TNR: variants seen among roughly 807,000 people sequenced by gnomAD.
TNR encodes tenascin R, also known as tenascin-R.
In TNR, 45 loss-of-function variants were observed where a neutral mutation model predicts 150.4. That is an observed-to-expected ratio of 0.30 (90% CI 0.24 to 0.38). The LOEUF is 0.38. Among genes scored for constraint, TNR ranks in the 10% least tolerant of loss-of-function variants. The pLI is 1.00. For missense variants in TNR, 1,544 were observed against 1,759.1 expected (o/e 0.88, Z 2.19); for synonymous variants, 687 against 678.4 (o/e 1.01, Z -0.20).
At chr1:175,584,121 G>C (rs1163349039) in intron 1 of TNR, among the ~76,000 whole-genome samples, 1 of 152,188 alleles carries the variant, frequency 6.6e-6, no homozygotes, top group African/African-American at 2.4e-5. Context: ...AATCCCCAAT[G>C]CCTCAGAATG....
At chr1:175,633,175 C>T (rs1487844431) in intron 1 of TNR, among the ~76,000 whole-genome samples, 8 of 152,214 alleles carry the variant, frequency 5.3e-5, no homozygotes, top group Admixed American at 2.0e-4. Context: ...TACATCCATC[C>T]TCTTCAATCC....
At chr1:175,683,807 A>G (rs1369866000) in intron 1 of TNR, among the ~76,000 whole-genome samples, 1 of 152,224 alleles carries the variant, frequency 6.6e-6, no homozygotes, top group Non-Finnish European at 1.5e-5. Context: ...TTAGTGAGAG[A>G]AAATAGATTC....
intron 21 of TNR, among the ~76,000 whole-genome samples, chr1:175,327,451 G>T (rs1285270593): frequency 6.6e-6 from 1 of 152,038 alleles, no homozygotes; most frequent in Non-Finnish European, 1.5e-5. Context: ...TTCTTCGCTC[G>T]GACTTACTTT....
At chr1:175,682,103 G>A (rs1666052994) in intron 1 of TNR, among the ~76,000 whole-genome samples, 1 of 152,212 alleles carries the variant, frequency 6.6e-6, no homozygotes, top group South Asian at 2.1e-4. Context: ...TGAGAAAAAT[G>A]CAGGCATCCA....
intron 8 of TNR, among the ~76,000 whole-genome samples, chr1:175,380,149 A>G (rs956251214): frequency 1.3e-5 from 2 of 152,204 alleles, no homozygotes; most frequent in Admixed American, 1.3e-4. Flanking sequence ...AAGACTGTTG[A>G]TTTCAAGGTT....
intron 2 of TNR, among the ~76,000 whole-genome samples, chr1:175,524,639 G>A (rs1379811558): frequency 6.6e-6 from 1 of 152,148 alleles, no homozygotes; most frequent in Non-Finnish European, 1.5e-5. Context: ...AGTTGGGCAG[G>A]ATGATTGCAC....
In TNR at chr1:175,731,197, G is replaced by A. The variant is rs149968061; in HGVS notation, c.-165+12029C>T. The stretch of plus-strand genomic sequence containing the variant: ...GGAACAGTGGGTCTTCTTGACCTTC[G>A]TGATTTCAATCACCAGCCCAATTAC... On this transcript the variant is annotated intron_variant, in intron 1 of 22. Transcript: ENST00000367674. 4.9e-3 allele frequency among the ~76,000 whole-genome samples: 746 copies of A among 152,234 alleles called. 6 individuals are homozygous for A. The highest frequency in any genetic ancestry group is 0.016 in the African/African-American group (654 of 41,540).
At position 175,379,638 on chromosome 1, in the gene TNR, A is replaced by G. The variant is rs779279153; in HGVS notation, c.1877T>C (p.Val626Ala). Reference sequence around the variant, plus strand: ...CTCACCCGCCAGGGTGCTGTACACAACCTTGTACTCCTGAACTTCGGCTTC... The same window carrying G: ...CTCACCCGCCAGGGTGCTGTACACAGCCTTGTACTCCTGAACTTCGGCTTC... ...NSEAEVQEYK[V>A]VYSTLAGEQY... is the part of the protein sequence containing the mutation. The change falls in exon 9 of 23, where the codon GTT (valine) becomes GCT (alanine). Residue 626 changes from valine (V) to alanine (A), a missense_variant. Val to Ala is a moderately conservative substitution (Grantham distance 64). Around this residue, in one of 2 missense-constraint regions of TNR, gnomAD observed 1,254 missense variants for 1,329.4 expected, o/e 0.94. Coordinates refer to ENST00000367674, the MANE Select transcript of TNR (RefSeq NM_003285.3). 6 of 1,614,002 alleles carry G rather than the reference A, an allele frequency of 3.7e-6. No homozygotes were observed. The highest frequency in any genetic ancestry group is 2.2e-5 in the East Asian group (1 of 44,898).
intron 2 of TNR, among the ~76,000 whole-genome samples, chr1:175,524,693 T>C (rs747038669): frequency 2.0e-5 from 3 of 152,164 alleles, no homozygotes; most frequent in African/African-American, 4.8e-5. Context: ...AAGCTCTTTA[T>C]AGCTCCAGGC....
At chr1:175,447,424 A>G (rs1656104787) in intron 2 of TNR, among the ~76,000 whole-genome samples, 1 of 152,168 alleles carries the variant, frequency 6.6e-6, no homozygotes, top group Admixed American at 6.5e-5. Flanking sequence ...TGGGTCTTAC[A>G]TCATTCATTG....
intron 2 of TNR, among the ~76,000 whole-genome samples, chr1:175,415,144 GCTTT>G (rs1367022781): frequency 7.9e-6 from 1 of 125,944 alleles, no homozygotes; most frequent in Admixed American, 7.5e-5. Context: ...CTTTTTTTGT[GCTTT>G]TTTTTTTTTT....
chr1:175,462,830 C>T, intron 2 of TNR, among the ~76,000 whole-genome samples: 1 of 152,296 alleles, frequency 6.6e-6, no homozygotes, highest in East Asian at 1.9e-4. Context: ...ACAAGGCCAG[C>T]TGGTCAGAGA....
intron 2 of TNR, among the ~76,000 whole-genome samples, chr1:175,485,674 G>T (rs150966111): frequency 1.1e-4 from 16 of 152,222 alleles, no homozygotes; most frequent in East Asian, 1.9e-4. Flanking sequence ...GGATATCACA[G>T]CTCTCCCCCC....
intron 1 of TNR, among the ~76,000 whole-genome samples, chr1:175,652,185 A>C (rs189789989): frequency 6.8e-6 from 1 of 148,108 alleles, no homozygotes; most frequent in Non-Finnish European, 1.5e-5. Flanking sequence ...ATAATGTAAT[A>C]TATTATCATA....
At chr1:175,651,942 A>G (rs897140610) in intron 1 of TNR, among the ~76,000 whole-genome samples, 3 of 151,342 alleles carry the variant, frequency 2.0e-5, no homozygotes, top group African/African-American at 7.3e-5. Context: ...CATGGATGAA[A>G]TAAGAATAAT....
chr1:175,426,790 G>T (rs1654988606), intron 2 of TNR, among the ~76,000 whole-genome samples: 1 of 137,786 alleles, frequency 7.3e-6, no homozygotes, highest in South Asian at 2.3e-4. Context: ...ACAGGTGTGT[G>T]TGTATATATA....
At chr1:175,630,470 A>T (rs901972124) in intron 1 of TNR, among the ~76,000 whole-genome samples, 6 of 152,244 alleles carry the variant, frequency 3.9e-5, no homozygotes, top group Non-Finnish European at 7.3e-5. Flanking sequence ...TGTAGCAGGC[A>T]TGGGGTTAGG....
At chr1:175,500,064 G>A (rs1658666917) in intron 2 of TNR, among the ~76,000 whole-genome samples, 1 of 152,196 alleles carries the variant, frequency 6.6e-6, no homozygotes, top group African/African-American at 2.4e-5. Context: ...TTCCATGGAA[G>A]CCTCAGTCTA....
intron 4 of TNR, among the ~76,000 whole-genome samples, chr1:175,401,888 A>G (rs1233104356): frequency 6.6e-6 from 1 of 152,216 alleles, no homozygotes; most frequent in Non-Finnish European, 1.5e-5. Context: ...TGAGCCCTGA[A>G]TGGAAAAGAC....
Sources: allele counts gnomAD v4.1 joint callset (sites outside exome capture counted in the v4.1 genomes callset), GRCh38; gene constraint gnomAD v4.1.1; regional missense constraint gnomAD v4.1.1; transcripts MANE v1.5; gene names NCBI Gene and HGNC (gene_info 2026-07-23, HGNC 2026-07-21).